Variants in PRELID2 observed in about 807,000 individuals in gnomAD.
PRELID2 encodes PRELI domain-containing protein 2.
Under a neutral mutation model 28.4 loss-of-function variants are expected in PRELID2, and 25 were observed. That is an observed-to-expected ratio of 0.88 (90% CI 0.64 to 1.23). The LOEUF is 1.23. Among genes scored for constraint, PRELID2 ranks in the 50% most tolerant of loss-of-function variants. The pLI is 0.00. For synonymous variants in PRELID2, 76 were observed against 71.6 expected, an observed-to-expected ratio of 1.06 and a Z score of -0.31; for missense variants, 201 against 214.4, an observed-to-expected ratio of 0.94 and a Z score of 0.39.
intron 4 of PRELID2, among the ~76,000 whole-genome samples, chr5:145,811,203 G>A (rs1290707143): frequency 1.4e-5 from 2 of 147,240 alleles, no homozygotes; most frequent in Non-Finnish European, 3.0e-5. Context: ...GGAAAGACCT[G>A]CCCCCACGAT....
chr5:145,817,198 A>ATATATATATATATAT (rs1754372530), intron 4 of PRELID2, among the ~76,000 whole-genome samples: 3 of 70,094 alleles, frequency 4.3e-5, no homozygotes, highest in East Asian at 3.5e-4. Context: ...TTCAAAAAAA[A>ATATATATATATATAT]ATAAATAAAT....
intron 1 of PRELID2, among the ~76,000 whole-genome samples, chr5:145,635,756 C>G (rs1043505199): frequency 1.3e-5 from 2 of 152,206 alleles, no homozygotes. Context: ...ATCAGACCTA[C>G]AAAGTTTCAC....
At chr5:145,376,662 T>C in the PRELID2 span, among the ~76,000 whole-genome samples, 28 of 152,128 alleles carry the variant, frequency 1.8e-4, no homozygotes, top group South Asian at 4.2e-4. Flanking sequence ...TCTTCTAGAG[T>C]TTTTATTTTA....
At chr5:145,654,463 C>G (rs912204248) in intron 1 of PRELID2, among the ~76,000 whole-genome samples, 6 of 152,144 alleles carry the variant, frequency 3.9e-5, no homozygotes, top group Admixed American at 3.3e-4. Flanking sequence ...AATTTTAGAC[C>G]AATATCCCTG....
chr5:145,600,905 G>A lies in PRELID2; in HGVS notation n.71-127590C>T, dbSNP rs1245618684. On this transcript the variant is annotated intron_variant and non_coding_transcript_variant, in intron 1 of 2. Transcript: ENST00000510259. ...GATGGCTTATTCCTTTAATCCCAGT[G>A]CTTTGGGCAGCCAAGGCAGGAGAAT... Among the ~76,000 whole-genome samples, 3 of 152,134 alleles carry A rather than the reference G, an allele frequency of 2.0e-5. No homozygotes were observed. The East Asian group carries it at 5.8e-4, about 29-fold the overall frequency.
chr5:145,485,302 C>G (rs1303552375), intron 1 of PRELID2, among the ~76,000 whole-genome samples: 2 of 152,112 alleles, frequency 1.3e-5, no homozygotes, highest in African/African-American at 2.4e-5. Context: ...ACTGCCAAGG[C>G]CTTAAGTCTG....
At chr5:145,734,602 T>A (rs1756441793) in intron 1 of PRELID2, among the ~76,000 whole-genome samples, 1 of 152,178 alleles carries the variant, frequency 6.6e-6, no homozygotes, top group Non-Finnish European at 1.5e-5. Flanking sequence ...GCATGTTTTA[T>A]GAAAAAATTG....
the PRELID2 span, among the ~76,000 whole-genome samples, chr5:145,418,774 AT>A: frequency 2.0e-5 from 3 of 151,806 alleles, no homozygotes; most frequent in African/African-American, 4.8e-5. Context: ...ACATGTGCAC[AT>A]TGTGCAGGTT....
the PRELID2 span, among the ~76,000 whole-genome samples, chr5:145,238,385 T>C: frequency 6.6e-6 from 1 of 152,078 alleles, no homozygotes; most frequent in African/African-American, 2.4e-5. Context: ...TCAACACTTC[T>C]AGCTCTTAAT....
the PRELID2 span, among the ~76,000 whole-genome samples, chr5:145,357,845 C>T: frequency 6.6e-6 from 1 of 151,836 alleles, no homozygotes; most frequent in Admixed American, 6.6e-5. Flanking sequence ...CCAGAGATCC[C>T]ATGCTAGTTC....
At chr5:145,556,937 A>G (rs1752884464) in intron 1 of PRELID2, among the ~76,000 whole-genome samples, 1 of 152,090 alleles carries the variant, frequency 6.6e-6, no homozygotes, top group Admixed American at 6.5e-5. Flanking sequence ...GCCTTTTCTC[A>G]TCTCTCTGAC....
chr5:145,403,085 G>T, the PRELID2 span, among the ~76,000 whole-genome samples: 1 of 152,134 alleles, frequency 6.6e-6, no homozygotes, highest in Non-Finnish European at 1.5e-5. Context: ...CCCTTAGAAG[G>T]TAGAGCTTTC....
At chr5:145,793,790 T>A (rs1752557047) in intron 5 of PRELID2, among the ~76,000 whole-genome samples, 1 of 152,086 alleles carries the variant, frequency 6.6e-6, no homozygotes. Flanking sequence ...CAAGGTACTA[T>A]AGGTTGGGAG....
intron 1 of PRELID2, among the ~76,000 whole-genome samples, chr5:145,832,437 G>A (rs912013085): frequency 6.6e-6 from 1 of 152,046 alleles, no homozygotes; most frequent in Non-Finnish European, 1.5e-5. Context: ...CGCCCGCCTC[G>A]GCCTCCCAAA....
chr5:145,739,034 G>A (rs1189421058), intron 1 of PRELID2, among the ~76,000 whole-genome samples: 2 of 152,084 alleles, frequency 1.3e-5, no homozygotes, highest in Non-Finnish European at 2.9e-5. Context: ...TTCAAGTGCT[G>A]AAAGAAAAGA....
At chr5:145,380,902 CT>C in the PRELID2 span, among the ~76,000 whole-genome samples, 4 of 152,252 alleles carry the variant, frequency 2.6e-5, no homozygotes, top group African/African-American at 7.2e-5. Context: ...ACCTAAAAAA[CT>C]ATGGGACACA....
chr5:145,740,615 AAT>A (rs1491488740), intron 1 of PRELID2, among the ~76,000 whole-genome samples: 15 of 7,732 alleles, frequency 1.9e-3, no homozygotes, highest in Non-Finnish European at 5.9e-3. Flanking sequence ...TATATATATA[AAT>A]ATATATATAT....
intron 1 of PRELID2, among the ~76,000 whole-genome samples, chr5:145,499,259 TA>T (rs1260481655): frequency 6.6e-6 from 1 of 152,114 alleles, no homozygotes; most frequent in East Asian, 1.9e-4. Flanking sequence ...TAAAATAAAT[TA>T]AATGTTAAAA....
chr5:145,693,586 T>C (rs1203575270), intron 1 of PRELID2, among the ~76,000 whole-genome samples: 1 of 151,968 alleles, frequency 6.6e-6, no homozygotes, highest in Non-Finnish European at 1.5e-5. Flanking sequence ...CTGGACAACA[T>C]AGCAAGATCC....
Sources: allele counts gnomAD v4.1 joint callset (sites outside exome capture counted in the v4.1 genomes callset), GRCh38; gene constraint gnomAD v4.1.1; transcripts MANE v1.5; gene names NCBI Gene and HGNC (gene_info 2026-07-23, HGNC 2026-07-21).